Variants in TACR3 observed in about 807,000 individuals in gnomAD.
TACR3 encodes neuromedin-K receptor.
In TACR3, 34 loss-of-function variants were observed where a neutral mutation model predicts 35.0. That is an observed-to-expected ratio of 0.97 (90% CI 0.74 to 1.30). The LOEUF (loss-of-function observed/expected upper bound fraction) is 1.30. TACR3 is among the 50% of genes most tolerant of loss of function. TACR3 has a pLI of 0.00. For synonymous variants in TACR3, 233 were observed against 221.1 expected (o/e 1.05, Z -0.48); for missense variants, 558 against 591.7 (o/e 0.94, Z 0.59).
At chr4:103,642,945 AATT>A (rs1725386909) in intron 3 of TACR3, among the ~76,000 whole-genome samples, 1 of 151,850 alleles carries the variant, frequency 6.6e-6, no homozygotes, top group African/African-American at 2.4e-5. Context: ...TATGTACAAT[AATT>A]ATGTATCAAT....
chr4:103,701,691 CCA>C (rs1362791280), intron 1 of TACR3, among the ~76,000 whole-genome samples: 4 of 151,950 alleles, frequency 2.6e-5, no homozygotes, highest in Non-Finnish European at 4.4e-5. Context: ...GGTACTGGTA[CCA>C]AAACAGAGAT....
intron 3 of TACR3, among the ~76,000 whole-genome samples, chr4:103,643,423 A>T (rs571053282): frequency 3.4e-4 from 45 of 130,480 alleles, no homozygotes; most frequent in Admixed American, 3.3e-3. Context: ...GACATTGTCT[A>T]AAAAAAAGAG....
At chr4:103,612,014 T>C (rs560040818) in intron 3 of TACR3, among the ~76,000 whole-genome samples, 20 of 152,336 alleles carry the variant, frequency 1.3e-4, no homozygotes, top group African/African-American at 4.6e-4. Flanking sequence ...CTAATTGGCC[T>C]CTGCTTCCAA....
chr4:103,629,850 C>CAA (rs1170682602), intron 3 of TACR3, among the ~76,000 whole-genome samples: 6 of 90,080 alleles, frequency 6.7e-5, no homozygotes, highest in Admixed American at 2.4e-4. Flanking sequence ...CTAAGCAAAA[C>CAA]AAAAAAAAAA....
At chr4:103,643,073 G>A (rs1353982688) in intron 3 of TACR3, among the ~76,000 whole-genome samples, 2 of 151,838 alleles carry the variant, frequency 1.3e-5, no homozygotes, top group Non-Finnish European at 2.9e-5. Flanking sequence ...CACAGGTTTT[G>A]TAATAACTAC....
intron 1 of TACR3, among the ~76,000 whole-genome samples, chr4:103,678,047 T>G (rs1371613414): frequency 2.0e-5 from 3 of 152,124 alleles, no homozygotes; most frequent in African/African-American, 7.2e-5. Context: ...AGGTTATCTT[T>G]CTTCTAAATC....
At chr4:103,710,764 AAG>A (rs1463075070) in intron 1 of TACR3, among the ~76,000 whole-genome samples, 1 of 152,184 alleles carries the variant, frequency 6.6e-6, no homozygotes, top group Non-Finnish European at 1.5e-5. Context: ...TAAAGAAGAA[AAG>A]AGAGTGGAAT....
intron 3 of TACR3, among the ~76,000 whole-genome samples, chr4:103,650,720 AAT>A (rs1235376920): frequency 4.2e-5 from 2 of 47,520 alleles, no homozygotes; most frequent in Non-Finnish European, 6.2e-5. Flanking sequence ...AATATATATA[AAT>A]AAATATATAT....
intron 1 of TACR3, among the ~76,000 whole-genome samples, chr4:103,715,970 T>C (rs1012611668): frequency 2.0e-5 from 3 of 152,166 alleles, no homozygotes; most frequent in African/African-American, 7.2e-5. Flanking sequence ...TTAAAGGTAA[T>C]GACTTTGTCT....
intron 1 of TACR3, among the ~76,000 whole-genome samples, chr4:103,711,859 CAGAG>C (rs1237314989): frequency 1.3e-5 from 2 of 152,076 alleles, no homozygotes; most frequent in Non-Finnish European, 2.9e-5. Context: ...AACAGACAAA[CAGAG>C]AGCCAAATCA....
At chr4:103,602,417 G>A (rs978757490) in intron 3 of TACR3, among the ~76,000 whole-genome samples, 22 of 151,862 alleles carry the variant, frequency 1.4e-4, no homozygotes, top group Admixed American at 5.2e-4. Flanking sequence ...GCTGTGTTCC[G>A]TTGCTGGTGA....
chr4:103,607,728 TAGAG>T (rs1293148005), intron 3 of TACR3, among the ~76,000 whole-genome samples: 1 of 152,032 alleles, frequency 6.6e-6, no homozygotes, highest in Non-Finnish European at 1.5e-5. Context: ...ACTCAGAGAA[TAGAG>T]AGTGAGAAGT....
chr4:103,615,376 C>CGT (rs3974469), intron 3 of TACR3, among the ~76,000 whole-genome samples: 10,036 of 143,584 alleles, frequency 0.07, 909 homozygotes, highest in African/African-American at 0.21. Flanking sequence ...TTCCTGCTAT[C>CGT]GTGTGTGTGT....
At chr4:103,594,037 T>C (rs1285767937) in intron 3 of TACR3, among the ~76,000 whole-genome samples, 1 of 152,186 alleles carries the variant, frequency 6.6e-6, no homozygotes, top group Non-Finnish European at 1.5e-5. Context: ...AGTTAAGTAA[T>C]GTCTAAGATT....
intron 3 of TACR3, among the ~76,000 whole-genome samples, chr4:103,632,802 G>T (rs1217850403): frequency 6.6e-6 from 1 of 151,992 alleles, no homozygotes; most frequent in Non-Finnish European, 1.5e-5. Flanking sequence ...GTACAGAAAG[G>T]CAGAAGATCA....
chr4:103,615,412 A>T lies in TACR3; in HGVS notation c.889-23729T>A, dbSNP rs1250027073. The stretch of plus-strand genomic sequence containing the variant: ...GTGTGTGTGTGTGAGAGAGAGAGAG[A>T]GAGAGAGAGAGAGAGAGAGGGAAAT... On this transcript the variant is annotated intron_variant, in intron 3 of 4. Transcript: ENST00000304883. Among the ~76,000 whole-genome samples the T allele has an allele frequency of 6.3e-3, 946 of 149,120 alleles. 6 individuals are homozygous for T. Among genetic ancestry groups the T allele is most frequent in the African/African-American group, 0.016 (669 of 40,828 alleles).
rs200736098 is a variant in TACR3 at position 103,589,791 on chromosome 4, G to T, written c.1289C>A (p.Thr430Lys). The part of the protein sequence containing the change: ...TTRSSRKKRA[T>K]PRDPSFNGCS... Reference sequence around the variant, plus strand: ...GCCATTGAAACTTGGGTCTCTTGGCGTTGCTCTTTTCTTCCGACTGGACCT... The same window carrying T: ...GCCATTGAAACTTGGGTCTCTTGGCTTTGCTCTTTTCTTCCGACTGGACCT... The change falls in exon 5 of 5, where the codon ACG becomes AAG. Residue 430 changes from threonine (T) to lysine (K), a missense_variant. Physicochemically the swap from Thr to Lys is moderately conservative, Grantham distance 78 (BLOSUM62 -1). Transcript: ENST00000304883. 6.2e-7 allele frequency: 1 copy of T among 1,613,954 alleles called. No homozygotes were observed. The highest frequency in any genetic ancestry group is 2.2e-5 in the East Asian group (1 of 44,876).
At chr4:103,694,887 TTACA>T (rs1362909587) in intron 1 of TACR3, among the ~76,000 whole-genome samples, 1 of 152,196 alleles carries the variant, frequency 6.6e-6, no homozygotes, top group Admixed American at 6.5e-5. Context: ...TTTGAACTTC[TTACA>T]TATTTACATA....
chr4:103,715,760 A>G (rs1275158901), intron 1 of TACR3, among the ~76,000 whole-genome samples: 1 of 152,140 alleles, frequency 6.6e-6, no homozygotes, highest in Non-Finnish European at 1.5e-5. Flanking sequence ...ATATGTAACT[A>G]TTTTCTAATA....
Sources: gnomAD v4.1 joint callset for allele counts (sites outside exome capture counted in the v4.1 genomes callset) on GRCh38, gnomAD v4.1.1 for gene constraint, MANE v1.5 for transcripts, NCBI Gene and HGNC (gene_info 2026-07-23, HGNC 2026-07-21) for gene names.